The following MBTPS2 variants were observed in gnomAD, a reference collection of about 807,000 sequenced individuals.
The protein encoded by MBTPS2 is membrane-bound transcription factor site-2 protease.
Under a neutral mutation model 35.4 loss-of-function variants are expected in MBTPS2, and 2 were observed. The ratio of observed to expected loss-of-function variants is 0.06; its 90% CI spans 0.02 to 0.18. The LOEUF is 0.18. Ranked by LOEUF, MBTPS2 falls within the 10% of genes least tolerant of loss-of-function variation. The pLI, the probability that MBTPS2 is intolerant of heterozygous loss-of-function variation, is 1.00. For missense variants in MBTPS2, 244 were observed against 386.5 expected (o/e 0.63, Z 3.09); for synonymous variants, 125 against 140.4 (o/e 0.89, Z 0.77).
chrX:21,881,890 C>G (rs1170625030), intron 10 of MBTPS2, among the ~76,000 whole-genome samples: 1 of 111,241 alleles, frequency 9.0e-6, no homozygotes, highest in Non-Finnish European at 1.9e-5. Context: ...GAGCCAAGAT[C>G]GCTCCACTGC....
At chrX:21,861,881 A>T (rs1181202176) in intron 5 of MBTPS2, among the ~76,000 whole-genome samples, 2 of 112,426 alleles carry the variant, frequency 1.8e-5, no homozygotes, top group Non-Finnish European at 3.7e-5. Context: ...TAAAAATTTT[A>T]AAAGGAACAT....
chrX:21,878,800 A>G (rs2092955843), intron 9 of MBTPS2, 108 bp downstream of exon 9: 5 of 576,509 alleles, frequency 8.7e-6, no homozygotes, highest in Non-Finnish European at 1.5e-5. Context: ...TATAAATTTG[A>G]TCATTTATCA....
intron 9 of MBTPS2, among the ~76,000 whole-genome samples, chrX:21,880,170 G>A (rs1602154787): frequency 9.2e-6 from 1 of 108,897 alleles, no homozygotes; most frequent in East Asian, 2.9e-4. Context: ...GGTCAGGCTG[G>A]TCTCAAACTC....
At chrX:21,857,445 C>T (rs999125176) in intron 5 of MBTPS2, 2 of 1,211,880 alleles carry the variant, frequency 1.7e-6, no homozygotes, top group Non-Finnish European at 2.2e-6. Context: ...CTGCGGGAAA[C>T]GCTTTTCCCT....
chrX:21,874,074 G>A (rs777100856), intron 7 of MBTPS2, among the ~76,000 whole-genome samples: 15 of 95,428 alleles, frequency 1.6e-4, no homozygotes, highest in African/African-American at 5.9e-4. Flanking sequence ...AGGCTAGAGT[G>A]CAGTGGCGCG....
In MBTPS2 at chrX:21,884,503, A is replaced by G. The variant is rs2147456935; in HGVS notation, c.*1848A>G. The G allele has an allele frequency of 1.3e-6, 1 of 751,063 alleles. No individual in the cohort carries two copies. The highest frequency in any genetic ancestry group is 6.8e-5 in the South Asian group (1 of 14,682). The allele number at this position is 751,063 out of a possible 1,213,427, so 61.9% of individuals were successfully genotyped here. A position where few individuals can be genotyped will look rare whatever the true frequency, so the allele number is the denominator to read the frequency against. On this transcript the variant is annotated 3_prime_UTR_variant, in exon 11 of 11. Transcript: ENST00000379484. The stretch of plus-strand genomic sequence containing the variant: ...ATTAATTTATTTTTCTGAGTAAAAA[A>G]ACGAAACCCAAATCTCATTTTATTT...
intron 5 of MBTPS2, among the ~76,000 whole-genome samples, chrX:21,859,340 TTA>T (rs2092928331): frequency 1.2e-5 from 1 of 83,529 alleles, no homozygotes; most frequent in East Asian, 4.6e-4. Flanking sequence ...CTTAAAAAAG[TTA>T]TATAGGTGTT....
intron 7 of MBTPS2, chrX:21,871,933 G>A (rs1005803904): frequency 6.5e-5 from 7 of 108,373 alleles, no homozygotes; most frequent in East Asian, 2.9e-4. Flanking sequence ...CATAAACAGC[G>A]CTTGGTACTT....
chrX:21,864,614 A>C (rs1453370199), intron 5 of MBTPS2, among the ~76,000 whole-genome samples: 1 of 110,786 alleles, frequency 9.0e-6, no homozygotes, highest in Non-Finnish European at 1.9e-5. Flanking sequence ...TTGAGCTCAG[A>C]AGTTTGAGAC....
chrX:21,844,820 T>C (rs767721676), intron 2 of MBTPS2, among the ~76,000 whole-genome samples: 9 of 111,850 alleles, frequency 8.0e-5, no homozygotes, highest in East Asian at 2.8e-4. Context: ...ATAGAAGAGG[T>C]AGATGAAAAA....
At position 21,884,851 on chromosome X, in the gene MBTPS2, A is replaced by G. The variant is rs773493443; in HGVS notation, c.*2196A>G. On this transcript the variant is annotated 3_prime_UTR_variant, in exon 11 of 11. Coordinates refer to ENST00000379484, the MANE Select transcript of MBTPS2 (RefSeq NM_015884.4). ...CTGTAAAAAGTATTATTGAATATTT[A>G]CTGTAAATATATGTTCACATAAAAA... 2 of 707,486 alleles carry G rather than the reference A, an allele frequency of 2.8e-6. No homozygotes were observed. The highest frequency in any genetic ancestry group is 3.4e-6 in the Non-Finnish European group (2 of 596,648). 58.3% of individuals were successfully genotyped at this position (707,486 alleles called of 1,213,427 possible).
At chrX:21,869,357 G>T in intron 6 of MBTPS2, 141 bp from the exon 7 acceptor site, 1 of 522,960 alleles carries the variant, frequency 1.9e-6, no homozygotes, top group Admixed American at 2.6e-5. Context: ...AATTTTCTAG[G>T]ACTATGTCTT....
intron 5 of MBTPS2, chrX:21,856,982 G>A: frequency 8.2e-7 from 1 of 1,212,152 alleles, no homozygotes; most frequent in Non-Finnish European, 1.1e-6. Flanking sequence ...GCCTGGGCAC[G>A]AGGAAGTGGG....
intron 9 of MBTPS2, 45 bp from the exon 10 acceptor site, chrX:21,880,852 C>T (rs1325911127): frequency 1.1e-6 from 1 of 891,107 alleles, no homozygotes; most frequent in Admixed American, 2.2e-5. Flanking sequence ...GCTGTTGATT[C>T]TCTGGTATGA....
chrX:21,868,491 C>T lies in MBTPS2; in HGVS notation c.695C>T (p.Ala232Val). The T allele has an allele frequency of 8.3e-7, 1 of 1,205,952 alleles. No individual in the cohort carries two copies. The highest frequency in any genetic ancestry group is 1.1e-6 in the Non-Finnish European group (1 of 890,500). Reference protein sequence around the residue: ...CAGIWHNFVLALLGILALVLL... With the variant: ...CAGIWHNFVLVLLGILALVLL... ...GGTATCTGGCATAATTTTGTCCTTG[C>T]ACTCTTGGGTATTTTAGCTCTTGTT... Residue 232 changes from alanine (A) to valine (V), a missense_variant, in exon 6 of 11, where the codon GCA (alanine) becomes GTA (valine). Ala to Val is a moderately conservative substitution (Grantham distance 64, BLOSUM62 0). Transcript: ENST00000379484.
rs201893024 is a variant in MBTPS2 at position 21,874,906 on chromosome X, G to A, written c.971-3136G>A. On this transcript the variant is annotated intron_variant, in intron 7 of 10. Coordinates refer to ENST00000379484, the MANE Select transcript of MBTPS2 (RefSeq NM_015884.4). ...CCTCATCTTATAGATTAAGAATCAA[G>A]TCACAGAAATTGGTTGAGTAACTTG... Among the ~76,000 whole-genome samples the A allele has an allele frequency of 8.0e-5, 9 of 112,673 alleles. No homozygotes were observed. The East Asian group carries it at 1.4e-3, about 17-fold the overall frequency.
chrX:21,863,978 T>C (rs1323098450), intron 5 of MBTPS2, among the ~76,000 whole-genome samples: 2 of 112,168 alleles, frequency 1.8e-5, no homozygotes, highest in Non-Finnish European at 3.8e-5. Context: ...GCTAAATGTT[T>C]GCTGAGCTGT....
chrX:21,882,343 T>G, intron 10 of MBTPS2, 90 bp from the exon 11 acceptor site: 3 of 674,918 alleles, frequency 4.4e-6, no homozygotes, highest in Non-Finnish European at 2.4e-6. Context: ...TAATCTCTAA[T>G]TCAGTCACAG....
chrX:21,859,068 T>A (rs144180180), intron 5 of MBTPS2, among the ~76,000 whole-genome samples: 25,165 of 110,048 alleles, frequency 0.23, 2,238 homozygotes, highest in Non-Finnish European at 0.25. Context: ...AAATTAGCCA[T>A]AGACTTCGTA....
Sources: allele counts gnomAD v4.1 joint callset (sites outside exome capture counted in the v4.1 genomes callset), GRCh38; gene constraint gnomAD v4.1.1; transcripts MANE v1.5; gene names NCBI Gene and HGNC (gene_info 2026-07-23, HGNC 2026-07-21).